The following NBN variants were observed in gnomAD, a reference collection of about 807,000 sequenced individuals.
NBN encodes the protein nibrin, also known as Nijmegen breakage syndrome 1 (nibrin).
A neutral mutation model predicts 90.8 loss-of-function variants in NBN; 88 were observed. The observed-to-expected ratio is 0.97, with a 90% CI of 0.82 to 1.16. NBN has a LOEUF of 1.16. Ranked by LOEUF, NBN falls within the 50% of genes most tolerant of loss-of-function variation. The pLI is 0.00. For missense variants in NBN, 894 were observed against 869.6 expected, an observed-to-expected ratio of 1.03 and a Z score of -0.35; for synonymous variants, 328 against 295.1, an observed-to-expected ratio of 1.11 and a Z score of -1.14.
chr8:89,941,835 A>G (rs1235590551), intron 14 of NBN, among the ~76,000 whole-genome samples: 1 of 152,224 alleles, frequency 6.6e-6, no homozygotes, highest in Non-Finnish European at 1.5e-5. Flanking sequence ...TTTTTTAAAA[A>G]TAAGTATCCT....
intron 2 of NBN, chr8:89,981,793 C>T: frequency 2.0e-6 from 1 of 500,242 alleles, no homozygotes; most frequent in Non-Finnish European, 3.5e-6. Context: ...TGACCCCTCA[C>T]ACACATTTGA....
Position 89,953,279 on chromosome 8 carries a change from TG to T in NBN, c.1809del (p.Phe603LeufsTer54). ...CTACTTTCTGGTACTGCTTCATCACTGAAAGTGTCATTTGTTTCTATATCCA... is the reference window on the plus strand; with the variant it reads ...CTACTTTCTGGTACTGCTTCATCACTAAAGTGTCATTTGTTTCTATATCCA... ...PRMDIETNDT[F>X]SDEAVPESSK... On this transcript the variant is annotated frameshift_variant, in exon 11 of 16. Coordinates refer to ENST00000265433, the MANE Select transcript of NBN (RefSeq NM_002485.5). LOFTEE classifies it high-confidence loss of function. The T allele has an allele frequency of 6.2e-7, 1 of 1,612,994 alleles. No homozygotes were observed. The highest frequency in any genetic ancestry group is 8.5e-7 in the Non-Finnish European group (1 of 1,179,480).
chr8:89,957,167 T>C (rs1003956285), intron 9 of NBN, among the ~76,000 whole-genome samples: 13 of 152,184 alleles, frequency 8.5e-5, no homozygotes, highest in African/African-American at 3.1e-4. Flanking sequence ...AAGATGACAT[T>C]ATTATCATAG....
chr8:89,982,068 G>A, intron 2 of NBN: 2 of 575,062 alleles, frequency 3.5e-6, no homozygotes, highest in East Asian at 7.0e-5. Context: ...TGCAATCTTT[G>A]ATTAAAATAA....
intron 8 of NBN, among the ~76,000 whole-genome samples, chr8:89,961,438 C>T (rs941747332): frequency 8.5e-5 from 13 of 152,108 alleles, no homozygotes; most frequent in Non-Finnish European, 1.8e-4. Flanking sequence ...GAAACTCCGG[C>T]TGGAATGCAA....
chr8:89,948,744 G>A (rs1474296353), intron 11 of NBN, among the ~76,000 whole-genome samples: 1 of 152,214 alleles, frequency 6.6e-6, no homozygotes, highest in Non-Finnish European at 1.5e-5. Context: ...AGAATTAAAT[G>A]TATGTTTCAA....
intron 14 of NBN, among the ~76,000 whole-genome samples, chr8:89,938,181 A>G (rs569689932): frequency 2.0e-5 from 3 of 152,200 alleles, no homozygotes; most frequent in Non-Finnish European, 2.9e-5. Context: ...TATCCTCTCT[A>G]AAAGACCAGA....
intron 2 of NBN, 35 bp from the exon 3 acceptor site, chr8:89,981,558 C>T: frequency 8.7e-6 from 14 of 1,608,452 alleles, no homozygotes; most frequent in Non-Finnish European, 1.2e-5. Context: ...AGTCTTTTAC[C>T]ACTCAGTACA....
In NBN at chr8:89,953,532, G is replaced by T; in HGVS notation, c.1557C>A (p.Asp519Glu). 6.2e-7 allele frequency: 1 copy of T among 1,613,600 alleles called. No homozygotes were observed. Among genetic ancestry groups the T allele is most frequent in the South Asian group, 1.1e-5 (1 of 91,060 alleles). ...AATCTGTATCTGTAAATAAGTTATT[G>T]TCTGAGTTTGTGTCCACAGGCTCAT... is the stretch of plus-strand genomic sequence containing the variant. Reference protein sequence around the residue: ...SENEPVDTNSDNNLFTDTDLK... With the variant: ...SENEPVDTNSENNLFTDTDLK... The change falls in exon 11 of 16, where the codon GAC (aspartate) becomes GAA (glutamate). Residue 519 changes from aspartate (D) to glutamate (E), a missense_variant. By Grantham distance (45) the Asp-to-Glu change is conservative (BLOSUM62 2). Coordinates refer to ENST00000265433, the MANE Select transcript of NBN (RefSeq NM_002485.5).
intron 1 of NBN, chr8:89,984,177 G>A (rs1197508195): frequency 4.6e-6 from 2 of 434,292 alleles, no homozygotes; most frequent in African/African-American, 2.1e-5. Flanking sequence ...TTCCTGCCGG[G>A]GGTTCCCACT....
intron 2 of NBN, chr8:89,981,770 G>T: frequency 1.9e-6 from 1 of 526,766 alleles, no homozygotes; most frequent in South Asian, 2.1e-5. Context: ...GTGTAAGTCA[G>T]TGGGGATTCT....
chr8:89,982,788 A>T lies in NBN; in HGVS notation c.105T>A (p.Ile35=), dbSNP rs78870221. 10 of 1,613,864 alleles carry T rather than the reference A, an allele frequency of 6.2e-6. No homozygotes were observed. The East Asian group carries it at 1.8e-4, about 29-fold the overall frequency. Residue 35 remains isoleucine (I), a synonymous_variant, in exon 2 of 16, where the codon ATT becomes ATA. Transcript: ENST00000265433. ...VVGRKNCAIL[I]ENDQSISRNH... is the part of the protein sequence containing the mutation. ...TTCGGCTGATCGACTGATCATTTTC[A>T]ATCAGAATGGCACAGTTTTTCCTTC... is the stretch of plus-strand genomic sequence containing the variant.
intron 14 of NBN, 49 bp from the exon 15 acceptor site, chr8:89,937,124 A>G: frequency 6.4e-7 from 1 of 1,563,540 alleles, no homozygotes; most frequent in Non-Finnish European, 8.8e-7. Context: ...GTGAATATAT[A>G]GTTAATGAAT....
At chr8:89,961,303 T>A (rs916746511) in intron 8 of NBN, among the ~76,000 whole-genome samples, 1 of 152,182 alleles carries the variant, frequency 6.6e-6, no homozygotes, top group Non-Finnish European at 1.5e-5. Flanking sequence ...ACGCAAAATA[T>A]TTATACCTAT....
intron 11 of NBN, among the ~76,000 whole-genome samples, chr8:89,949,220 G>A (rs1055301831): frequency 6.6e-6 from 1 of 152,190 alleles, no homozygotes; most frequent in African/African-American, 2.4e-5. Context: ...CTAGCTATGT[G>A]ACCTTGGCAA....
Position 89,933,605 on chromosome 8 carries a change from A to G in NBN, c.*1977T>C, listed in dbSNP as rs14448. 38,276 of 232,030 alleles carry G rather than the reference A, an allele frequency of 0.16. 6,217 individuals are homozygous for G. The highest frequency in any genetic ancestry group is 0.46 in the African/African-American group (20,647 of 45,262). 14.4% of individuals were successfully genotyped at this position (232,030 alleles called of 1,614,324 possible). A position where few individuals can be genotyped will look rare whatever the true frequency, so the allele number is the denominator to read the frequency against. On this transcript the variant is annotated 3_prime_UTR_variant, in exon 16 of 16. Transcript: ENST00000265433. ...TGGGGGAAAAAAAGAACCCTGATCCATAATTCACAACATACATATCAATTC... is the reference window on the plus strand; with the variant it reads ...TGGGGGAAAAAAAGAACCCTGATCCGTAATTCACAACATACATATCAATTC...
intron 8 of NBN, among the ~76,000 whole-genome samples, chr8:89,962,929 TA>T (rs1811063324): frequency 6.6e-6 from 1 of 152,206 alleles, no homozygotes. Context: ...TGTGATGTCG[TA>T]ACAGCTTTAA....
In NBN at chr8:89,935,053, G is replaced by A; in HGVS notation, c.*529C>T. ...AGTTTAGGTAAGACTACAGCATAAT[G>A]GAAAAGAAAAAATATTAAAAACATT... On this transcript the variant is annotated 3_prime_UTR_variant, in exon 16 of 16. Coordinates refer to ENST00000265433, the MANE Select transcript of NBN (RefSeq NM_002485.5). The A allele has an allele frequency of 4.3e-6, 1 of 233,490 alleles. No homozygotes were observed. The highest frequency in any genetic ancestry group is 8.4e-6 in the Non-Finnish European group (1 of 118,638). 14.5% of individuals were successfully genotyped at this position (233,490 alleles called of 1,614,324 possible).
rs1805845 is a variant in NBN at position 89,984,288 on chromosome 8, G to A, written c.37+237C>T. On this transcript the variant is annotated intron_variant, in intron 1 of 15. Coordinates refer to ENST00000265433, the MANE Select transcript of NBN (RefSeq NM_002485.5). ...GGGGGAGTCAGGGGAGGGGCGCGGA[G>A]GACTGCCACCAGGGGGCGCCGCAAT... The A allele has an allele frequency of 6.4e-3, 3,861 of 604,028 alleles. 113 individuals carry two copies. Among genetic ancestry groups the A allele is most frequent in the African/African-American group, 0.062 (3,311 of 53,098 alleles). The allele number at this position is 604,028 out of a possible 1,614,324, so 37.4% of individuals were successfully genotyped here. A position where few individuals can be genotyped will look rare whatever the true frequency, so the allele number is the denominator to read the frequency against.
Sources: gnomAD v4.1 joint callset for allele counts (sites outside exome capture counted in the v4.1 genomes callset) on GRCh38, gnomAD v4.1.1 for gene constraint, MANE v1.5 for transcripts, NCBI Gene and HGNC (gene_info 2026-07-23, HGNC 2026-07-21) for gene names.